Variants in SCD5 observed in about 807,000 individuals in gnomAD.
SCD5 encodes the protein acyl-CoA-desaturase 4.
Under a neutral mutation model 30.4 loss-of-function variants are expected in SCD5, and 20 were observed. The ratio of observed to expected loss-of-function variants is 0.66; its 90% CI spans 0.46 to 0.96. SCD5 has a LOEUF of 0.96. Ranked by LOEUF, SCD5 falls within the 40% of genes least tolerant of loss-of-function variation. The pLI is 0.00. For missense variants in SCD5, 381 were observed against 443.3 expected (o/e 0.86, Z 1.26); for synonymous variants, 173 against 176.4 (o/e 0.98, Z 0.16).
At chr4:82,635,847 A>G (rs3846350) in intron 4 of SCD5, among the ~76,000 whole-genome samples, 144,844 of 152,164 alleles carry the variant, frequency 0.95, 69,039 homozygotes, top group East Asian at 1. Context: ...CAGAGGCCTC[A>G]CTCTTAACTG....
rs572737299 is a variant in SCD5 at position 82,725,995 on chromosome 4, G to A, written c.233-20582C>T. 2.0e-5 allele frequency among the ~76,000 whole-genome samples: 3 copies of A among 152,326 alleles called. No individual in the cohort carries two copies. In the South Asian group the frequency reaches 6.2e-4, roughly 32 times the overall value. On this transcript the variant is annotated intron_variant, in intron 1 of 4. Transcript: ENST00000319540. The stretch of plus-strand genomic sequence containing the variant: ...CCTAAGTGAGGAAAAACCGCCTGAA[G>A]GGTCTCCACTGACAGGCCTCAGAGG...
intron 3 of SCD5, among the ~76,000 whole-genome samples, chr4:82,641,495 A>G (rs930061749): frequency 1.3e-5 from 2 of 152,126 alleles, no homozygotes; most frequent in South Asian, 2.1e-4. Context: ...TAGGGTGTCT[A>G]TGGGAGGGCT....
chr4:82,705,097 C>G (rs993315275), intron 2 of SCD5, among the ~76,000 whole-genome samples, 186 bp downstream of exon 2: 2 of 152,244 alleles, frequency 1.3e-5, no homozygotes, highest in Admixed American at 6.5e-5. Flanking sequence ...ACAAAACCCC[C>G]CCAGGGGACA....
At chr4:82,673,042 T>C (rs1253870637) in intron 3 of SCD5, among the ~76,000 whole-genome samples, 2 of 152,072 alleles carry the variant, frequency 1.3e-5, no homozygotes, top group African/African-American at 4.8e-5. Context: ...AAAGAATATT[T>C]ACAAAAAATA....
At chr4:82,685,865 C>A (rs1198878491) in intron 2 of SCD5, among the ~76,000 whole-genome samples, 2 of 151,862 alleles carry the variant, frequency 1.3e-5, no homozygotes, top group South Asian at 2.1e-4. Context: ...AGATGCTGTA[C>A]ATTATTTTTT....
intron 1 of SCD5, among the ~76,000 whole-genome samples, chr4:82,713,324 CT>C (rs34573863): frequency 0.31 from 47,024 of 152,082 alleles, 8,797 homozygotes; most frequent in East Asian, 0.43. Flanking sequence ...TGATTTACAG[CT>C]TATATAGCAA....
In SCD5 at chr4:82,742,828, T is replaced by C. The variant is rs543980957; in HGVS notation, c.233-37415A>G. ...ACAATTACAGGAGAGAGCTCACCAATGATGCGGGTCTCTGAAGAGCCCACC... is the reference window on the plus strand; with the variant it reads ...ACAATTACAGGAGAGAGCTCACCAACGATGCGGGTCTCTGAAGAGCCCACC... On this transcript the variant is annotated intron_variant, in intron 1 of 4. Coordinates refer to ENST00000319540, the MANE Select transcript of SCD5 (RefSeq NM_001037582.3). Among the ~76,000 whole-genome samples the C allele has an allele frequency of 5.9e-5, 9 of 152,262 alleles. No homozygotes were observed. The East Asian group carries it at 1.5e-3, about 26-fold the overall frequency.
chr4:82,797,983 C>T (rs777746698), intron 1 of SCD5, among the ~76,000 whole-genome samples: 213 of 152,020 alleles, frequency 1.4e-3, no homozygotes, highest in Non-Finnish European at 2.6e-3. Flanking sequence ...CTTCGCGCGC[C>T]TCTGCGCACA....
At chr4:82,667,198 C>T (rs1056479326) in intron 3 of SCD5, among the ~76,000 whole-genome samples, 1 of 152,048 alleles carries the variant, frequency 6.6e-6, no homozygotes, top group Non-Finnish European at 1.5e-5. Context: ...AGGGGAATTT[C>T]TTGCACATAG....
intron 1 of SCD5, among the ~76,000 whole-genome samples, chr4:82,723,199 G>T (rs567742566): frequency 1.3e-4 from 20 of 151,880 alleles, no homozygotes; most frequent in Non-Finnish European, 1.6e-4. Flanking sequence ...ATAGCATATT[G>T]GTCCTGGCAA....
chr4:82,783,254 G>A (rs1407776984), intron 1 of SCD5, among the ~76,000 whole-genome samples: 4 of 152,136 alleles, frequency 2.6e-5, no homozygotes, highest in Admixed American at 2.6e-4. Context: ...CAAGGACTAG[G>A]GAGAGTTAGT....
rs540277750 is a variant in SCD5 at position 82,758,929 on chromosome 4, C to T, written c.232+39377G>A. 5.3e-4 allele frequency among the ~76,000 whole-genome samples: 80 copies of T among 152,204 alleles called. 1 individual carries two copies. The South Asian group carries it at 0.016, about 30-fold the overall frequency. ...AACAAGCACATCCCCTACAATCCTG[C>T]GAAACAACAAGCACATCCCCTTACA... is the stretch of plus-strand genomic sequence containing the variant. On this transcript the variant is annotated intron_variant, in intron 1 of 4. Coordinates refer to ENST00000319540, the MANE Select transcript of SCD5 (RefSeq NM_001037582.3).
At chr4:82,632,795 G>T (rs956883763) in intron 4 of SCD5, among the ~76,000 whole-genome samples, 2 of 152,034 alleles carry the variant, frequency 1.3e-5, no homozygotes, top group Non-Finnish European at 2.9e-5. Flanking sequence ...TTTTTTAAAA[G>T]ATGTACTCAT....
intron 1 of SCD5, among the ~76,000 whole-genome samples, chr4:82,713,484 T>A (rs1720152960): frequency 6.6e-6 from 1 of 152,358 alleles, no homozygotes; most frequent in African/African-American, 2.4e-5. Flanking sequence ...AGTATATACA[T>A]GGCTCACTTC....
intron 1 of SCD5, among the ~76,000 whole-genome samples, chr4:82,747,391 C>T (rs1721018916): frequency 6.6e-6 from 1 of 152,204 alleles, no homozygotes; most frequent in Admixed American, 6.5e-5. Flanking sequence ...CACAGACTCC[C>T]TGGCTCCAAA....
chr4:82,715,577 T>TA (rs561839602), intron 1 of SCD5, among the ~76,000 whole-genome samples: 4 of 151,742 alleles, frequency 2.6e-5, no homozygotes, highest in Non-Finnish European at 4.4e-5. Flanking sequence ...GGCGCCAGGC[T>TA]ACCTGTATCA....
chr4:82,646,973 C>T (rs1727645889), intron 3 of SCD5, among the ~76,000 whole-genome samples: 1 of 152,302 alleles, frequency 6.6e-6, no homozygotes, highest in African/African-American at 2.4e-5. Flanking sequence ...CAGGCATGCA[C>T]CACCATGCCC....
chr4:82,750,755 G>C (rs1036613375), intron 1 of SCD5, among the ~76,000 whole-genome samples: 1 of 152,216 alleles, frequency 6.6e-6, no homozygotes, highest in Admixed American at 6.5e-5. Context: ...GACAGGTAGG[G>C]AGGACTCAGA....
intron 3 of SCD5, among the ~76,000 whole-genome samples, chr4:82,640,973 C>T (rs1373126484): frequency 3.3e-5 from 5 of 152,196 alleles, no homozygotes; most frequent in Non-Finnish European, 7.3e-5. Flanking sequence ...AACTACACAA[C>T]GCCTTCTAGC....
Sources: allele counts gnomAD v4.1 joint callset (sites outside exome capture counted in the v4.1 genomes callset), GRCh38; gene constraint gnomAD v4.1.1; transcripts MANE v1.5; gene names NCBI Gene and HGNC (gene_info 2026-07-23, HGNC 2026-07-21).